The following ADGRL4 variants were observed in gnomAD, a reference collection of about 807,000 sequenced individuals.
The protein encoded by ADGRL4 is adhesion G protein-coupled receptor L4, also known as EGF, latrophilin and seven transmembrane domain containing 1.
Under a neutral mutation model 74.8 loss-of-function variants are expected in ADGRL4, and 90 were observed. That is an observed-to-expected ratio of 1.20 (90% confidence interval 1.02 to 1.43). The LOEUF (loss-of-function observed/expected upper bound fraction) is 1.43, where lower values mean the gene tolerates loss of function less well. ADGRL4 is among the 40% of genes most tolerant of loss of function. The pLI is 0.00. For missense variants in ADGRL4, 881 were observed against 814.3 expected (o/e 1.08, Z -1.00); for synonymous variants, 311 against 279.2 (o/e 1.11, Z -1.14).
At chr1:78,954,354 A>G (rs1024616783) in intron 2 of ADGRL4, among the ~76,000 whole-genome samples, 1 of 152,084 alleles carries the variant, frequency 6.6e-6, no homozygotes, top group Non-Finnish European at 1.5e-5. Context: ...AAAATTCACA[A>G]TTGAATTTAA....
At chr1:78,943,888 A>G (rs953716184) in intron 3 of ADGRL4, among the ~76,000 whole-genome samples, 2 of 152,194 alleles carry the variant, frequency 1.3e-5, no homozygotes, top group African/African-American at 4.8e-5. Flanking sequence ...GAAGGGCTCA[A>G]TACTGGGTAT....
At chr1:78,896,052 A>G (rs1648390811) in intron 12 of ADGRL4, among the ~76,000 whole-genome samples, 2 of 152,056 alleles carry the variant, frequency 1.3e-5, no homozygotes, top group Admixed American at 6.6e-5. Flanking sequence ...TACTGTGAAC[A>G]GCAATCATTG....
intron 2 of ADGRL4, among the ~76,000 whole-genome samples, chr1:78,973,890 G>T (rs1650225518): frequency 6.6e-6 from 1 of 151,866 alleles, no homozygotes; most frequent in South Asian, 2.1e-4. Flanking sequence ...AATAAACTAA[G>T]GCTAGAACAA....
intron 2 of ADGRL4, among the ~76,000 whole-genome samples, chr1:78,967,016 T>C (rs1321827067): frequency 6.6e-6 from 1 of 152,130 alleles, no homozygotes; most frequent in Non-Finnish European, 1.5e-5. Context: ...ATGCGTTGTG[T>C]ACGTGACATC....
chr1:78,994,977 A>G (rs78502084), intron 2 of ADGRL4, among the ~76,000 whole-genome samples: 1,846 of 152,300 alleles, frequency 0.012, 33 homozygotes, highest in African/African-American at 0.042. Flanking sequence ...TGGAATTGCA[A>G]CACAAAGATC....
At chr1:78,992,326 A>G (rs1046602798) in intron 2 of ADGRL4, among the ~76,000 whole-genome samples, 1 of 152,082 alleles carries the variant, frequency 6.6e-6, no homozygotes, top group Admixed American at 6.6e-5. Flanking sequence ...TCTTGGTAAT[A>G]TAAATTATGT....
At chr1:78,982,222 AT>A (rs142808194) in intron 2 of ADGRL4, among the ~76,000 whole-genome samples, 2,341 of 152,006 alleles carry the variant, frequency 0.015, 63 homozygotes, top group African/African-American at 0.054. Context: ...AATATAAGCC[AT>A]TTTGCTCACA....
intron 2 of ADGRL4, among the ~76,000 whole-genome samples, chr1:78,994,361 C>T (rs1308305345): frequency 6.6e-6 from 1 of 152,110 alleles, no homozygotes; most frequent in Non-Finnish European, 1.5e-5. Flanking sequence ...TTCTTGCAAG[C>T]AGAAATACCA....
At chr1:78,908,486 C>T (rs1047519745) in intron 12 of ADGRL4, among the ~76,000 whole-genome samples, 1 of 151,932 alleles carries the variant, frequency 6.6e-6, no homozygotes, top group African/African-American at 2.4e-5. Flanking sequence ...TACAGTATTA[C>T]AGTGTAAACA....
rs557116605 is a variant in ADGRL4 at position 78,898,012 on chromosome 1, G to T, written c.1750-4823C>A. The stretch of plus-strand genomic sequence containing the variant: ...AGGCACATGAGTTTATGTACCTAGA[G>T]GTGGAAATAAAGTTTACACGGTATG... On this transcript the variant is annotated intron_variant, in intron 12 of 14. Transcript: ENST00000370742. Among the ~76,000 whole-genome samples, 5 of 152,092 alleles carry T rather than the reference G, an allele frequency of 3.3e-5. No homozygotes were observed. In the East Asian group the frequency reaches 9.7e-4, roughly 29 times the overall value.
intron 11 of ADGRL4, 40 bp from the exon 12 acceptor site, chr1:78,917,740 G>T (rs766567219): frequency 1.9e-6 from 3 of 1,573,788 alleles, no homozygotes; most frequent in Non-Finnish European, 1.7e-6. Flanking sequence ...AAATATGTTT[G>T]CATGTATGTT....
rs187506297 is a variant in ADGRL4, at chr1:78,903,133, C to T, written c.1750-9944G>A. 8.9e-4 allele frequency among the ~76,000 whole-genome samples: 135 copies of T among 152,212 alleles called. 1 individual carries two copies. In the Middle Eastern group the frequency reaches 0.01, roughly 12 times the overall value. ...TTTTCCATGCTCTATGGAGTGGAAT[C>T]CCATGTCAGATCTGAGCCATTCTGA... On this transcript the variant is annotated intron_variant, in intron 12 of 14. Transcript: ENST00000370742.
intron 12 of ADGRL4, among the ~76,000 whole-genome samples, chr1:78,904,037 A>G (rs1188568819): frequency 6.6e-6 from 1 of 151,626 alleles, no homozygotes. Flanking sequence ...AAAATTAACT[A>G]AAATAATACA....
At chr1:78,969,988 C>T (rs766866805) in intron 2 of ADGRL4, among the ~76,000 whole-genome samples, 4 of 152,078 alleles carry the variant, frequency 2.6e-5, no homozygotes, top group Admixed American at 2.6e-4. Flanking sequence ...TGGAGGTTTC[C>T]TTTTTTGGGA....
At chr1:78,992,119 C>A (rs1014924950) in intron 2 of ADGRL4, among the ~76,000 whole-genome samples, 4 of 152,002 alleles carry the variant, frequency 2.6e-5, no homozygotes, top group African/African-American at 9.7e-5. Flanking sequence ...ATTTAGACTA[C>A]AATGTTTGGT....
At position 79,005,130 on chromosome 1, in the gene ADGRL4, C is replaced by G; in HGVS notation, c.112G>C (p.Gly38Arg). The G allele has an allele frequency of 6.2e-7, 1 of 1,613,434 alleles. No individual in the cohort carries two copies. The highest frequency in any genetic ancestry group is 1.1e-5 in the South Asian group (1 of 91,010). ...ATGTTGCAATAGCAGGCTTCAATTCCATTGCGTATTTCACATTTTGCATTT... is the reference window on the plus strand; with the variant it reads ...ATGTTGCAATAGCAGGCTTCAATTCGATTGCGTATTTCACATTTTGCATTT... ...LPNAKCEIRN[G>R]IEACYCNMGF... The change falls in exon 2 of 15, where the codon GGA (glycine) becomes CGA (arginine). Residue 38 changes from glycine to arginine, a missense_variant. Coordinates refer to ENST00000370742, the MANE Select transcript of ADGRL4 (RefSeq NM_022159.4).
At chr1:78,952,935 G>A (rs941943977) in intron 2 of ADGRL4, among the ~76,000 whole-genome samples, 2 of 152,082 alleles carry the variant, frequency 1.3e-5, no homozygotes, top group African/African-American at 2.4e-5. Context: ...TACTTGTATA[G>A]AATGGTCTCT....
At chr1:78,942,594 A>G (rs567840505) in intron 3 of ADGRL4, among the ~76,000 whole-genome samples, 1 of 152,236 alleles carries the variant, frequency 6.6e-6, no homozygotes, top group East Asian at 1.9e-4. Context: ...ATTTGATATC[A>G]CTAAATGCAA....
At chr1:78,999,829 T>TATC (rs1553140929) in intron 2 of ADGRL4, among the ~76,000 whole-genome samples, 1 of 150,486 alleles carries the variant, frequency 6.6e-6, no homozygotes, top group East Asian at 2.0e-4. Flanking sequence ...TCTATCTATC[T>TATC]ATCTATCTAT....
Sources: gnomAD v4.1 joint callset for allele counts (sites outside exome capture counted in the v4.1 genomes callset) on GRCh38, gnomAD v4.1.1 for gene constraint, MANE v1.5 for transcripts, NCBI Gene and HGNC (gene_info 2026-07-23, HGNC 2026-07-21) for gene names.